Variants in PVT1 observed in about 807,000 individuals in gnomAD.
PVT1 encodes the protein CXCR4/PVT1 fusion.
chr8:127,879,400 G>T (rs1250689289), intron 2 of PVT1, among the ~76,000 whole-genome samples: 1 of 152,148 alleles, frequency 6.6e-6, no homozygotes, highest in South Asian at 2.1e-4. Flanking sequence ...GTGGTGGCAG[G>T]TGCCTGTAAT....
In PVT1 at chr8:128,090,262, A is replaced by C. The variant is rs141707960; in HGVS notation, n.1115-6256A>C. On this transcript the variant is annotated intron_variant and non_coding_transcript_variant, in intron 5 of 10. Transcript: ENST00000651587. ...CTTTCAAATAGGTTTGGGTAACTCC[A>C]CGCAAGACTGTCTTTACCTGCCTTT... Among the ~76,000 whole-genome samples the C allele has an allele frequency of 2.8e-3, 428 of 152,358 alleles. 3 individuals carry two copies. Among genetic ancestry groups the C allele is most frequent in the African/African-American group, 9.7e-3 (404 of 41,590 alleles).
Position 128,042,206 on chromosome 8 carries a change from C to G in PVT1, n.913-27954C>G, listed in dbSNP as rs1813553899. Among the ~76,000 whole-genome samples, 3 of 152,196 alleles carry G rather than the reference C, an allele frequency of 2.0e-5. No homozygotes were observed. The South Asian group carries it at 6.2e-4, about 31-fold the overall frequency. ...GTGTGAATAATGTGAAGTGCAGGAC[C>G]ATGGTGATGAATTTCCTTCACCCTC... On this transcript the variant is annotated intron_variant and non_coding_transcript_variant, in intron 4 of 10. Transcript: ENST00000651587.
chr8:127,859,659 C>T (rs748675487), intron 2 of PVT1, among the ~76,000 whole-genome samples: 6 of 152,060 alleles, frequency 3.9e-5, no homozygotes, highest in Non-Finnish European at 8.8e-5. Flanking sequence ...TCTGTCTAAA[C>T]GGAGCAGGCT....
chr8:127,953,488 C>T (rs1816531731), intron 3 of PVT1, among the ~76,000 whole-genome samples: 1 of 152,150 alleles, frequency 6.6e-6, no homozygotes, highest in South Asian at 2.1e-4. Flanking sequence ...TAATAGCTAA[C>T]ATTTATTTAG....
chr8:127,902,160 C>A (rs1815766664), intron 3 of PVT1, among the ~76,000 whole-genome samples: 1 of 152,166 alleles, frequency 6.6e-6, no homozygotes, highest in Non-Finnish European at 1.5e-5. Flanking sequence ...GAATGGCCAA[C>A]TTGTCCTGGT....
chr8:127,811,626 G>T (rs1814595499), intron 2 of PVT1, among the ~76,000 whole-genome samples: 1 of 152,248 alleles, frequency 6.6e-6, no homozygotes, highest in Non-Finnish European at 1.5e-5. Flanking sequence ...ATACTTTAGT[G>T]ATAGTCTGTA....
chr8:128,030,734 G>A (rs1372849860), intron 4 of PVT1, among the ~76,000 whole-genome samples: 1 of 152,206 alleles, frequency 6.6e-6, no homozygotes, highest in African/African-American at 2.4e-5. Context: ...TGAGTGAATA[G>A]ACACAGGAAG....
rs759591954 is a variant in PVT1 at position 127,947,624 on chromosome 8, G to A, written n.783-41538G>A. The stretch of plus-strand genomic sequence containing the variant: ...GAAAGAGTCAGGCAGAGTCTCACCC[G>A]GCCCTGTTTCTTAGCTGCTTTGACA... On this transcript the variant is annotated intron_variant and non_coding_transcript_variant, in intron 3 of 10. Coordinates refer to ENST00000651587, the Ensembl canonical transcript of PVT1. 1.3e-4 allele frequency: 56 copies of A among 445,592 alleles called. 1 individual carries two copies. The highest frequency in any genetic ancestry group is 6.6e-4 in the South Asian group (42 of 63,494). The allele number at this position is 445,592 out of a possible 1,614,324, so 27.6% of individuals were successfully genotyped here.
chr8:127,879,594 G>T (rs529802857), intron 2 of PVT1, among the ~76,000 whole-genome samples: 1 of 152,246 alleles, frequency 6.6e-6, no homozygotes, highest in South Asian at 2.1e-4. Flanking sequence ...CAGTGCCTGG[G>T]CTCGTATCCT....
rs72720882 is a variant in PVT1, at chr8:128,026,555, G to C, written n.912+37264G>C. Among the ~76,000 whole-genome samples the C allele has an allele frequency of 5.8e-3, 878 of 152,180 alleles. 16 individuals carry two copies. In the East Asian group the frequency reaches 0.077, roughly 13 times the overall value. On this transcript the variant is annotated intron_variant and non_coding_transcript_variant, in intron 4 of 10. Transcript: ENST00000651587. ...GTAGAAAATGAGCCCAGATCCCTCT[G>C]TCTCCATCTCTGCAACCTGTCTCTC...
chr8:128,078,525 G>A (rs538858394), intron 5 of PVT1, among the ~76,000 whole-genome samples: 12 of 150,322 alleles, frequency 8.0e-5, no homozygotes, highest in South Asian at 6.3e-4. Flanking sequence ...TGGCTTCCAC[G>A]TAGTCAGTTC....
At chr8:127,947,527 C>G (rs962884126) in intron 3 of PVT1, 3 of 360,532 alleles carry the variant, frequency 8.3e-6, no homozygotes, top group African/African-American at 4.3e-5. Context: ...TAGGGATTTA[C>G]AAGGTGGGCC....
At chr8:127,994,325 TGG>T (rs1369485038) in intron 4 of PVT1, among the ~76,000 whole-genome samples, 2 of 152,210 alleles carry the variant, frequency 1.3e-5, no homozygotes, top group African/African-American at 4.8e-5. Context: ...AGCAGAGCCT[TGG>T]GTCTCACTGA....
At chr8:127,855,340 G>A (rs931867421) in intron 2 of PVT1, 1 of 396,918 alleles carries the variant, frequency 2.5e-6, no homozygotes, top group Non-Finnish European at 4.4e-6. Context: ...GGAGCTTGGG[G>A]GATGGGAATG....
intron 2 of PVT1, among the ~76,000 whole-genome samples, chr8:127,819,055 C>T (rs1199354437): frequency 6.6e-6 from 1 of 152,148 alleles, no homozygotes; most frequent in East Asian, 1.9e-4. Context: ...TGGGGTCTTG[C>T]TATGTGGTCC....
chr8:127,802,842 G>A (rs2129645465), intron 2 of PVT1, among the ~76,000 whole-genome samples: 1 of 152,284 alleles, frequency 6.6e-6, no homozygotes, highest in East Asian at 1.9e-4. Context: ...AAGAAGGCAG[G>A]TTGAAATGGG....
chr8:127,968,749 G>T (rs187794168), intron 3 of PVT1, among the ~76,000 whole-genome samples: 317 of 152,294 alleles, frequency 2.1e-3, no homozygotes, highest in South Asian at 8.1e-3. Context: ...TCATCTTGGG[G>T]TATGGTGAGC....
intron 5 of PVT1, among the ~76,000 whole-genome samples, chr8:128,080,472 C>G (rs748619070): frequency 2.0e-5 from 3 of 152,190 alleles, no homozygotes; most frequent in Non-Finnish European, 2.9e-5. Context: ...TTGCACTTCC[C>G]TGATGACATA....
chr8:127,835,019 A>G (rs1814894459), intron 2 of PVT1, among the ~76,000 whole-genome samples: 1 of 152,214 alleles, frequency 6.6e-6, no homozygotes, highest in African/African-American at 2.4e-5. Flanking sequence ...TAGTTCAACC[A>G]TTGTGGAAGA....
Sources: gnomAD v4.1 joint callset for allele counts (sites outside exome capture counted in the v4.1 genomes callset) on GRCh38, gnomAD v4.1.1 for gene constraint, MANE v1.5 for transcripts, NCBI Gene and HGNC (gene_info 2026-07-23, HGNC 2026-07-21) for gene names.